Variants in TEP1 observed in about 807,000 individuals in gnomAD.
TEP1 encodes telomerase associated protein 1, also known as telomerase protein component 1.
In TEP1, 241 loss-of-function variants were observed where a neutral mutation model predicts 306.3. The ratio of observed to expected loss-of-function variants is 0.79; its 90% CI spans 0.71 to 0.88. TEP1 has a LOEUF of 0.88. Among genes scored for constraint, TEP1 ranks in the 40% least tolerant of loss-of-function variants. TEP1 has a pLI of 0.00. For missense variants in TEP1, 3,051 were observed against 3,276.1 expected (o/e 0.93, Z 1.68); for synonymous variants, 1,289 against 1,305.5 (o/e 0.99, Z 0.27).
In TEP1 at chr14:20,371,653, G is replaced by T. The variant is rs776309465; in HGVS notation, c.7077-21C>A. ...GAAGACTAGCTCAAAAAAGTACATG[G>T]ACAGAGAAAGATCCTATTTTAGTTA... On this transcript the variant is annotated intron_variant, in intron 49 of 54. Transcript: ENST00000262715. 6.5e-6 allele frequency: 10 copies of T among 1,549,946 alleles called. No individual in the cohort carries two copies. The East Asian group carries it at 2.3e-4, about 36-fold the overall frequency.
intron 15 of TEP1, 25 bp from the exon 16 acceptor site, chr14:20,389,765 G>A: frequency 6.2e-7 from 1 of 1,613,388 alleles, no homozygotes. Flanking sequence ...GGGAGAAGAT[G>A]CTAGAGAAGG....
intron 1 of TEP1, among the ~76,000 whole-genome samples, chr14:20,410,599 C>CA (rs1879576613): frequency 1.4e-5 from 2 of 138,824 alleles, no homozygotes; most frequent in Non-Finnish European, 1.6e-5. Flanking sequence ...ATTTTTTTTT[C>CA]TTTTTTTTTT....
rs1224247904 is a variant in TEP1 at position 20,368,533 on chromosome 14, T to C, written c.7788A>G (p.Ser2596=). 2.2e-5 allele frequency: 36 copies of C among 1,614,182 alleles called. No individual in the cohort carries two copies. Among genetic ancestry groups the C allele is most frequent in the Non-Finnish European group, 3.1e-5 (36 of 1,180,046 alleles). The part of the protein sequence containing the change: ...QLLGLFRCEG[S]VSCLEPWLGA... ...CCAGCCAAGGTTCCAGGCAGCTCAC[T>C]GACCCTTCGCATCGGAACAGGCCCA... The change falls in exon 55 of 55, where the codon TCA becomes TCG. Residue 2596 remains serine (S), a synonymous_variant. Transcript: ENST00000262715.
intron 15 of TEP1, 34 bp from the exon 16 acceptor site, chr14:20,389,774 G>C: frequency 6.2e-7 from 1 of 1,612,690 alleles, no homozygotes. Flanking sequence ...TGCTAGAGAA[G>C]GGATGCTAGA....
intron 9 of TEP1, among the ~76,000 whole-genome samples, chr14:20,398,220 A>T (rs1394884969): frequency 6.6e-6 from 1 of 151,922 alleles, no homozygotes; most frequent in African/African-American, 2.4e-5. Context: ...TCTACTAAAA[A>T]TACAAAAATT....
intron 17 of TEP1, among the ~76,000 whole-genome samples, chr14:20,388,293 T>A (rs575905823): frequency 4.9e-4 from 75 of 152,240 alleles, no homozygotes; most frequent in African/African-American, 1.8e-3. Context: ...CTGCTGTGCG[T>A]GGTAATCACA....
rs199604556 is a variant in TEP1, at chr14:20,391,730, G to T, written c.1966C>A (p.Arg656=). The change falls in exon 13 of 55, where the codon CGA becomes AGA. Residue 656 remains arginine (R), a synonymous_variant. Coordinates refer to ENST00000262715, the MANE Select transcript of TEP1 (RefSeq NM_007110.5). Reference sequence around the variant, plus strand: ...TTCACAGCTGTCTCTAGGGCCTGTCGGTACCTGTTCAGCATCTCACCATCA... The same window carrying T: ...TTCACAGCTGTCTCTAGGGCCTGTCTGTACCTGTTCAGCATCTCACCATCA... ...KYDGEMLNRY[R]QALETAVNLS... is the part of the protein sequence containing the mutation. 6.2e-7 allele frequency: 1 copy of T among 1,614,124 alleles called. No homozygotes were observed. The highest frequency in any genetic ancestry group is 8.5e-7 in the Non-Finnish European group (1 of 1,180,012).
Position 20,391,677 on chromosome 14 carries a change from C to G in TEP1, c.2019G>C (p.Leu673=), listed in dbSNP as rs1444314464. ...VNLSVKHSLP[L]LPGRTVLVYL... ...AGACCAAGACAGTGCGGCCTGGCAG[C>G]AGGGGCAGGCTGTGCTTCACAGAGA... The change falls in exon 13 of 55, where the codon CTG becomes CTC. Residue 673 remains leucine, a synonymous_variant. Transcript: ENST00000262715. 6.2e-7 allele frequency: 1 copy of G among 1,614,070 alleles called. No homozygotes were observed. The highest frequency in any genetic ancestry group is 8.5e-7 in the Non-Finnish European group (1 of 1,180,044).
chr14:20,406,177 C>T, intron 3 of TEP1, 56 bp downstream of exon 3: 1 of 1,589,596 alleles, frequency 6.3e-7, no homozygotes, highest in Middle Eastern at 1.7e-4. Context: ...AAGTACTCCA[C>T]CACCAACCTC....
At position 20,374,412 on chromosome 14, in the gene TEP1, C is replaced by T. The variant is rs1431722930; in HGVS notation, c.6471+17G>A. The T allele has an allele frequency of 6.2e-7, 1 of 1,600,436 alleles. No individual in the cohort carries two copies. The highest frequency in any genetic ancestry group is 8.5e-7 in the Non-Finnish European group (1 of 1,170,814). ...CCTTCCAGAGACCCCCCAGTGGGAT[C>T]TCCATTGCTTTCTCACCACAGCTGC... On this transcript the variant is annotated intron_variant, in intron 44 of 54. Transcript: ENST00000262715.
Position 20,383,541 on chromosome 14 carries a change from C to G in TEP1, c.3814G>C (p.Val1272Leu). 6.2e-7 allele frequency: 1 copy of G among 1,614,270 alleles called. No individual in the cohort carries two copies. Among genetic ancestry groups the G allele is most frequent in the Non-Finnish European group, 8.5e-7 (1 of 1,180,052 alleles). Reference sequence around the variant, plus strand: ...GAAATCAGCTGCCCATTCTGGTCCACTAACCTATCAGCCCCATCGATGATC... The same window carrying G: ...GAAATCAGCTGCCCATTCTGGTCCAGTAACCTATCAGCCCCATCGATGATC... ...VLIIDGADRL[V>L]DQNGQLISDW... The change falls in exon 26 of 55, where the codon GTG (valine) becomes CTG (leucine). Residue 1272 changes from valine to leucine, a missense_variant. Physicochemically the swap from Val to Leu is conservative, Grantham distance 32. Around this residue, in one of 3 missense-constraint regions of TEP1, gnomAD observed 1,540 missense variants for 1,705.9 expected, o/e 0.90. Coordinates refer to ENST00000262715, the MANE Select transcript of TEP1 (RefSeq NM_007110.5).
chr14:20,375,990 A>T (rs1044804034), intron 42 of TEP1, 114 bp downstream of exon 42: 5 of 1,490,926 alleles, frequency 3.4e-6, no homozygotes, highest in Non-Finnish European at 4.6e-6. Context: ...AGACAGATCT[A>T]TACTAGATTT....
In TEP1 at chr14:20,369,660, C is replaced by T. The variant is rs1281963051; in HGVS notation, c.7423+14G>A. ...CCATCTCCCGGCTCCTCAGGTCCTC[C>T]TGTTACCACTCACCAGATTCAGGTT... On this transcript the variant is annotated intron_variant, in intron 52 of 54. Coordinates refer to ENST00000262715, the MANE Select transcript of TEP1 (RefSeq NM_007110.5). 1 of 1,613,678 alleles carries T rather than the reference C, an allele frequency of 6.2e-7. No individual in the cohort carries two copies. Among genetic ancestry groups the T allele is most frequent in the East Asian group, 2.2e-5 (1 of 44,868 alleles).
At chr14:20,376,042 T>C in intron 42 of TEP1, 62 bp downstream of exon 42, 1 of 1,582,900 alleles carries the variant, frequency 6.3e-7, no homozygotes, top group South Asian at 1.1e-5. Flanking sequence ...AAATGGGTTG[T>C]TAAGAAATCT....
At position 20,403,397 on chromosome 14, in the gene TEP1, G is replaced by T; in HGVS notation, c.1246C>A (p.Leu416Ile). The change falls in exon 7 of 55, where the codon CTC (leucine) becomes ATC (isoleucine). Residue 416 changes from leucine (L) to isoleucine (I), a missense_variant. This residue lies in a region of TEP1 where 1,507 missense variants were observed against 1,550.5 expected (regional missense o/e 0.97). Transcript: ENST00000262715. The part of the protein sequence containing the change: ...HRCFPRYIGF[L>I]REEQRKFEKA... ...CTCACCTTTCTCTGCTCTTCTCTGA[G>T]AAACCCTATGTACCTTGGAAAACAT... 1 of 1,614,148 alleles carries T rather than the reference G, an allele frequency of 6.2e-7. No individual in the cohort carries two copies. The highest frequency in any genetic ancestry group is 8.5e-7 in the Non-Finnish European group (1 of 1,180,030).
At chr14:20,391,324 G>A (rs1877704151) in intron 13 of TEP1, among the ~76,000 whole-genome samples, 1 of 152,180 alleles carries the variant, frequency 6.6e-6, no homozygotes, top group Admixed American at 6.5e-5. Context: ...GATGTAGTGA[G>A]GTGAAAGTGA....
At position 20,380,937 on chromosome 14, in the gene TEP1, G is replaced by A. The variant is rs1876466059; in HGVS notation, c.4756C>T (p.Leu1586Phe). ...AGCCAGTGACTCATCTCACCATAGA[G>A]GGCATGGGCCTCCAAGAGCCGAGAG... Reference protein sequence around the residue: ...LVSRLLEAHALYASSVPKEEQ... With the variant: ...LVSRLLEAHAFYASSVPKEEQ... The change falls in exon 33 of 55, where the codon CTC becomes TTC. Residue 1586 changes from leucine to phenylalanine, a missense_variant. Physicochemically the swap from Leu to Phe is conservative, Grantham distance 22 (BLOSUM62 0). This residue lies in a region of TEP1 where 1,540 missense variants were observed against 1,705.9 expected (regional missense o/e 0.90). Coordinates refer to ENST00000262715, the MANE Select transcript of TEP1 (RefSeq NM_007110.5). The A allele has an allele frequency of 1.2e-6, 2 of 1,613,790 alleles. No individual in the cohort carries two copies. The highest frequency in any genetic ancestry group is 1.7e-6 in the Non-Finnish European group (2 of 1,179,722).
At chr14:20,402,174 G>C (rs1878813230) in intron 7 of TEP1, among the ~76,000 whole-genome samples, 1 of 152,120 alleles carries the variant, frequency 6.6e-6, no homozygotes, top group African/African-American at 2.4e-5. Context: ...TGGGCATGGT[G>C]GTGGATGTCT....
Position 20,369,498 on chromosome 14 carries a change from G to A in TEP1, c.7502C>T (p.Thr2501Ile), listed in dbSNP as rs77893109. ...TGCTTTTTTCTGCCACATGTTACCT[G>A]TGGTCCATTCTCCTTCTGGGCTGCA... ...AKCSPEGEWT[T>I]GNMWQKKANT... is the part of the protein sequence containing the mutation. Residue 2501 changes from threonine to isoleucine, a missense_variant, in exon 53 of 55, where the codon ACA becomes ATA. Thr to Ile is a moderately conservative substitution (Grantham distance 89, BLOSUM62 -1). Transcript: ENST00000262715. The A allele has an allele frequency of 1.2e-6, 2 of 1,614,140 alleles. No homozygotes were observed. The highest frequency in any genetic ancestry group is 1.7e-6 in the Non-Finnish European group (2 of 1,180,030).
Sources: gnomAD v4.1 joint callset for allele counts (sites outside exome capture counted in the v4.1 genomes callset) on GRCh38, gnomAD v4.1.1 for gene constraint, gnomAD v4.1.1 regional missense constraint, MANE v1.5 for transcripts, NCBI Gene and HGNC (gene_info 2026-07-23, HGNC 2026-07-21) for gene names.